EML6: variants seen among roughly 807,000 people sequenced by gnomAD.
The protein encoded by EML6 is echinoderm microtubule-associated protein-like 6.
Under a neutral mutation model 240.1 loss-of-function variants are expected in EML6, and 154 were observed. The observed-to-expected ratio is 0.64, with a 90% CI of 0.56 to 0.73. The LOEUF (loss-of-function observed/expected upper bound fraction) is 0.73. Ranked by LOEUF, EML6 falls within the 30% of genes least tolerant of loss-of-function variation. The probability of loss-of-function intolerance (pLI) is 0.00; values close to 1 mark genes in which losing one functional copy is unlikely to be tolerated. For synonymous variants in EML6, 1,148 were observed against 899.0 expected (o/e 1.28, Z -4.95); for missense variants, 2,964 against 2,474.6 (o/e 1.20, Z -4.20).
Position 54,967,039 on chromosome 2 carries a change from C to T in EML6, c.5533C>T (p.Pro1845Ser), listed in dbSNP as rs1676778950. 3 of 1,551,456 alleles carry T rather than the reference C, an allele frequency of 1.9e-6. No homozygotes were observed. The highest frequency in any genetic ancestry group is 2.6e-6 in the Non-Finnish European group (3 of 1,146,880). Reference protein sequence around the residue: ...GAYKRQVHEVPLGKQVTEAVV... With the variant: ...GAYKRQVHEVSLGKQVTEAVV... ...CTATAAGCGCCAGGTGCATGAGGTC[C>T]CCCTGGGGAAGCAGGTAACTGAAGC... The change falls in exon 39 of 42, where the codon CCC (proline) becomes TCC (serine). Residue 1845 changes from proline (P) to serine (S), a missense_variant. Transcript: ENST00000356458.
At position 54,903,136 on chromosome 2, in the gene EML6, G is replaced by A; in HGVS notation, c.3217G>A (p.Glu1073Lys). ...CCTGGTGGTAAATGCTGACACTGTT[G>A]AAGACATGGTCTCTTTCCATCACAG... is the stretch of plus-strand genomic sequence containing the variant. ...SFLVVNADTV[E>K]DMVSFHHRKE... The change falls in exon 23 of 42, where the codon GAA (glutamate) becomes AAA (lysine). Residue 1073 changes from glutamate (E) to lysine (K), a missense_variant. By Grantham distance (56) the Glu-to-Lys change is moderately conservative (BLOSUM62 1). Coordinates refer to ENST00000356458, the MANE Select transcript of EML6 (RefSeq NM_001039753.4). 6.4e-7 allele frequency: 1 copy of A among 1,551,802 alleles called. No individual in the cohort carries two copies. The highest frequency in any genetic ancestry group is 8.7e-7 in the Non-Finnish European group (1 of 1,146,882).
At chr2:54,950,211 T>C (rs1028509611) in intron 29 of EML6, among the ~76,000 whole-genome samples, 2 of 152,178 alleles carry the variant, frequency 1.3e-5, no homozygotes, top group African/African-American at 4.8e-5. Flanking sequence ...AGAACGAGCA[T>C]GGCCTTTGAC....
chr2:54,789,450 C>A (rs1669286548), intron 2 of EML6, among the ~76,000 whole-genome samples: 1 of 126,562 alleles, frequency 7.9e-6, no homozygotes, highest in Non-Finnish European at 1.6e-5. Flanking sequence ...GGAGGCGGAG[C>A]TTGCAGTGAG....
chr2:54,890,702 A>G (rs975616193), intron 17 of EML6, among the ~76,000 whole-genome samples: 2 of 152,192 alleles, frequency 1.3e-5, no homozygotes, highest in African/African-American at 2.4e-5. Flanking sequence ...AGAGAAGTCA[A>G]TACTATCTCT....
chr2:54,875,070 C>G (rs191184175), intron 16 of EML6, among the ~76,000 whole-genome samples: 1 of 152,132 alleles, frequency 6.6e-6, no homozygotes, highest in Non-Finnish European at 1.5e-5. Context: ...CTGGGACACT[C>G]AGTGTGCAGG....
intron 32 of EML6, 46 bp downstream of exon 32, chr2:54,954,202 G>C: frequency 6.6e-7 from 1 of 1,517,950 alleles, no homozygotes. Flanking sequence ...GTCTGCCTGT[G>C]GGTGTCGAGC....
chr2:54,961,190 T>TTTTTTTTTTGTTTTTTTGTTTTTTTG (rs1573222624), intron 35 of EML6, among the ~76,000 whole-genome samples: 1 of 109,314 alleles, frequency 9.1e-6, no homozygotes, highest in Non-Finnish European at 1.9e-5. Flanking sequence ...AGTAGTTTTT[T>TTTTTTTTTTGTTTTTTTGTTTTTTTG]TTTTTTTTTT....
At chr2:54,872,366 A>C (rs1307979443) in intron 16 of EML6, among the ~76,000 whole-genome samples, 3 of 152,196 alleles carry the variant, frequency 2.0e-5, no homozygotes, top group Admixed American at 2.0e-4. Context: ...ATTTTATTCA[A>C]ATGCTTAATA....
chr2:54,817,507 A>G (rs1265154246), intron 4 of EML6, among the ~76,000 whole-genome samples: 3 of 152,164 alleles, frequency 2.0e-5, no homozygotes, highest in Non-Finnish European at 4.4e-5. Context: ...GTCTTACTTG[A>G]ATTCCTAGTT....
In EML6 at chr2:54,847,521, G is replaced by C. The variant is rs769186892; in HGVS notation, c.1085G>C (p.Arg362Pro). 6.4e-7 allele frequency: 1 copy of C among 1,551,854 alleles called. No homozygotes were observed. The highest frequency in any genetic ancestry group is 2.4e-5 in the East Asian group (1 of 40,922). ...CTGGCTGATCATGCCTTGATCGCCC[G>C]CTGTAACATGGAAGAGGCGGTTCGC... ...WSLADHALIA[R>P]CNMEEAVRSV... The change falls in exon 9 of 42, where the codon CGC becomes CCC. Residue 362 changes from arginine (R) to proline (P), a missense_variant. Coordinates refer to ENST00000356458, the MANE Select transcript of EML6 (RefSeq NM_001039753.4).
intron 10 of EML6, 152 bp downstream of exon 10, chr2:54,850,370 G>A (rs1396436451): frequency 3.2e-6 from 2 of 632,046 alleles, no homozygotes. Context: ...GGCAAGGAAT[G>A]TTTTCTGTCG....
chr2:54,950,770 C>T lies in EML6; in HGVS notation c.4204C>T (p.Leu1402Phe), dbSNP rs761025663. Residue 1402 changes from leucine (L) to phenylalanine (F), a missense_variant, in exon 30 of 42, where the codon CTC (leucine) becomes TTC (phenylalanine). Leu to Phe is a conservative substitution (Grantham distance 22). Coordinates refer to ENST00000356458, the MANE Select transcript of EML6 (RefSeq NM_001039753.4). Reference protein sequence around the residue: ...HTAAAGIVQNLSTGSQSFYLE... With the variant: ...HTAAAGIVQNFSTGSQSFYLE... ...AGCAGCGGCTGGCATCGTTCAGAAC[C>T]TCTCCACAGGTAACCGGGGGTTAAA... The T allele has an allele frequency of 1.0e-4, 155 of 1,551,204 alleles. No homozygotes were observed. Among genetic ancestry groups the T allele is most frequent in the Non-Finnish European group, 1.3e-4 (151 of 1,146,882 alleles).
intron 22 of EML6, 51 bp downstream of exon 22, chr2:54,899,833 T>C (rs920279969): frequency 2.1e-5 from 31 of 1,497,830 alleles, no homozygotes; most frequent in Non-Finnish European, 2.7e-5. Context: ...AGTAACAGAA[T>C]GTGTCATATT....
chr2:54,949,414 C>A (rs1010869025), intron 29 of EML6, among the ~76,000 whole-genome samples: 1 of 152,200 alleles, frequency 6.6e-6, no homozygotes. Context: ...GAGGGACGCA[C>A]CATTACTGTT....
chr2:54,812,130 C>A (rs1021160453), intron 2 of EML6, among the ~76,000 whole-genome samples: 1 of 152,038 alleles, frequency 6.6e-6, no homozygotes, highest in Non-Finnish European at 1.5e-5. Flanking sequence ...CGCTCTGTAC[C>A]GGGCACTCTG....
intron 2 of EML6, among the ~76,000 whole-genome samples, chr2:54,804,652 T>A (rs1235194496): frequency 6.6e-6 from 1 of 152,224 alleles, no homozygotes; most frequent in East Asian, 1.9e-4. Context: ...TTTGTTTTAA[T>A]CTTTGTATTT....
Position 54,853,624 on chromosome 2 carries a change from TAA to T in EML6, c.1445-18_1445-17del. The T allele has an allele frequency of 4.2e-6, 6 of 1,420,624 alleles. No individual in the cohort carries two copies. The highest frequency in any genetic ancestry group is 4.8e-6 in the Non-Finnish European group (5 of 1,044,450). The allele number at this position is 1,420,624 out of a possible 1,614,324, so 88.0% of individuals were successfully genotyped here. A position where few individuals can be genotyped will look rare whatever the true frequency, so the allele number is the denominator to read the frequency against. ...TAAACTTTTTATTTAAATGTAATGT[TAA>T]TATTGATTATTTTCAGCTGGGAAGC... On this transcript the variant is annotated splice_polypyrimidine_tract_variant and intron_variant, in intron 10 of 41. Coordinates refer to ENST00000356458, the MANE Select transcript of EML6 (RefSeq NM_001039753.4).
At chr2:54,892,706 A>T (rs1250389427) in intron 19 of EML6, 50 bp downstream of exon 19, 3 of 1,452,930 alleles carry the variant, frequency 2.1e-6, no homozygotes, top group Non-Finnish European at 2.8e-6. Flanking sequence ...TTCTAAAATT[A>T]TAAGGTAGTC....
chr2:54,928,259 C>T (rs1429975047), intron 26 of EML6, 54 bp from the exon 27 acceptor site: 1 of 1,351,834 alleles, frequency 7.4e-7, no homozygotes, highest in Non-Finnish European at 1.0e-6. Context: ...GATAAACGAG[C>T]CCAGAGAAAG....
Sources: gnomAD v4.1 joint callset for allele counts (sites outside exome capture counted in the v4.1 genomes callset) on GRCh38, gnomAD v4.1.1 for gene constraint, MANE v1.5 for transcripts, NCBI Gene and HGNC (gene_info 2026-07-23, HGNC 2026-07-21) for gene names.